Variants in APP observed in about 807,000 individuals in gnomAD.
The protein encoded by APP is amyloid beta precursor protein, also known as amyloid-beta precursor protein.
APP carries 31 observed loss-of-function variants against 101.4 expected under a neutral mutation model. That is an observed-to-expected ratio of 0.31 (90% confidence interval 0.23 to 0.41). The LOEUF (loss-of-function observed/expected upper bound fraction) is 0.41. Among genes scored for constraint, APP ranks in the 10% least tolerant of loss-of-function variants. The pLI is 1.00. For synonymous variants in APP, 366 were observed against 364.4 expected, an observed-to-expected ratio of 1.00 and a Z score of -0.05; for missense variants, 839 against 1,003.7, an observed-to-expected ratio of 0.84 and a Z score of 2.22.
At chr21:25,888,020 T>C (rs1400692809) in intron 17 of APP, among the ~76,000 whole-genome samples, 1 of 152,090 alleles carries the variant, frequency 6.6e-6, no homozygotes, top group African/African-American at 2.4e-5. Flanking sequence ...TTTTTCACTC[T>C]AAAAACAAAA....
At chr21:26,003,154 T>C (rs909894179) in intron 6 of APP, among the ~76,000 whole-genome samples, 9 of 152,398 alleles carry the variant, frequency 5.9e-5, no homozygotes, top group Middle Eastern at 3.4e-3. Context: ...TATGAAACCA[T>C]TTGTTATAGC....
intron 6 of APP, among the ~76,000 whole-genome samples, chr21:26,017,935 G>C (rs925359300): frequency 6.6e-6 from 1 of 151,970 alleles, no homozygotes; most frequent in Non-Finnish European, 1.5e-5. Context: ...TCTTGCAATC[G>C]TGTGCTCACT....
At chr21:26,145,440 G>C (rs1266967090) in intron 1 of APP, among the ~76,000 whole-genome samples, 1 of 152,138 alleles carries the variant, frequency 6.6e-6, no homozygotes, top group African/African-American at 2.4e-5. Context: ...GTTCACAATA[G>C]GTTTTGTGCT....
chr21:25,929,713 T>TC (rs1193418909), intron 13 of APP, among the ~76,000 whole-genome samples: 2 of 152,218 alleles, frequency 1.3e-5, no homozygotes, highest in Non-Finnish European at 2.9e-5. Flanking sequence ...GCCAATGCTT[T>TC]CAGTGAGGAC....
chr21:25,918,256 T>C (rs2039450945), intron 13 of APP, among the ~76,000 whole-genome samples: 1 of 152,188 alleles, frequency 6.6e-6, no homozygotes, highest in East Asian at 1.9e-4. Flanking sequence ...CTATTTACAA[T>C]AGCAAAGACT....
intron 5 of APP, among the ~76,000 whole-genome samples, chr21:26,039,777 T>A (rs2045288509): frequency 6.6e-6 from 1 of 152,164 alleles, no homozygotes; most frequent in Admixed American, 6.6e-5. Flanking sequence ...AAAATGTAGA[T>A]CTGAAGGAAG....
intron 2 of APP, among the ~76,000 whole-genome samples, chr21:26,105,695 A>T (rs2062168133): frequency 6.6e-6 from 1 of 152,214 alleles, no homozygotes; most frequent in African/African-American, 2.4e-5. Flanking sequence ...TAGAGAATTC[A>T]AGATGCACAA....
chr21:26,120,270 T>C (rs2062536772), intron 1 of APP, among the ~76,000 whole-genome samples: 1 of 152,198 alleles, frequency 6.6e-6, no homozygotes, highest in Admixed American at 6.5e-5. Context: ...AGAAACTTTC[T>C]CAAGTTGCCT....
chr21:26,106,349 G>C (rs1039733836), intron 2 of APP, among the ~76,000 whole-genome samples: 2 of 152,078 alleles, frequency 1.3e-5, no homozygotes, highest in Non-Finnish European at 2.9e-5. Flanking sequence ...CCCATCAGTG[G>C]GAGAAAATAT....
At chr21:26,139,848 C>T (rs368451684) in intron 1 of APP, among the ~76,000 whole-genome samples, 3 of 151,966 alleles carry the variant, frequency 2.0e-5, no homozygotes, top group African/African-American at 7.3e-5. Flanking sequence ...CCACTGCACT[C>T]CAGCCTGGCA....
intron 15 of APP, among the ~76,000 whole-genome samples, chr21:25,904,672 T>C (rs939990515): frequency 6.6e-6 from 1 of 152,098 alleles, no homozygotes. Context: ...AGAGTCTACA[T>C]CTATCTGGGC....
chr21:26,104,632 A>T (rs960057343), intron 2 of APP, among the ~76,000 whole-genome samples: 1 of 152,208 alleles, frequency 6.6e-6, no homozygotes, highest in Non-Finnish European at 1.5e-5. Context: ...GGCAAAAAAA[A>T]CACTATGAAT....
chr21:25,915,369 G>A (rs750211868), intron 13 of APP, among the ~76,000 whole-genome samples: 1 of 152,190 alleles, frequency 6.6e-6, no homozygotes, highest in Non-Finnish European at 1.5e-5. Flanking sequence ...GATGGGACAA[G>A]GAGACTGAGG....
At chr21:25,908,474 G>C (rs2038900261) in intron 14 of APP, among the ~76,000 whole-genome samples, 1 of 152,164 alleles carries the variant, frequency 6.6e-6, no homozygotes, top group Admixed American at 6.5e-5. Flanking sequence ...TTCAGTAGTT[G>C]GGTGTATGTG....
chr21:26,001,094 T>C (rs2043274760), intron 6 of APP, among the ~76,000 whole-genome samples: 1 of 152,204 alleles, frequency 6.6e-6, no homozygotes, highest in Non-Finnish European at 1.5e-5. Flanking sequence ...TACCTGACCC[T>C]TGGGCAGGAA....
intron 13 of APP, chr21:25,942,032 A>G (rs1301288328): frequency 6.6e-6 from 1 of 152,204 alleles, no homozygotes; most frequent in Non-Finnish European, 1.5e-5. Context: ...ATGACTTCTA[A>G]GCAGAAGATA....
intron 1 of APP, among the ~76,000 whole-genome samples, chr21:26,166,453 A>T (rs1408137376): frequency 6.6e-6 from 1 of 152,138 alleles, no homozygotes; most frequent in Non-Finnish European, 1.5e-5. Flanking sequence ...GAAAAGGAAA[A>T]GATTTTTTTA....
intron 11 of APP, among the ~76,000 whole-genome samples, chr21:25,959,194 G>A (rs2041468275): frequency 6.6e-6 from 1 of 152,234 alleles, no homozygotes; most frequent in South Asian, 2.1e-4. Context: ...CAGCACTTTG[G>A]GAGGCCGAGG....
At chr21:26,005,937 T>C (rs2043512241) in intron 6 of APP, among the ~76,000 whole-genome samples, 1 of 152,168 alleles carries the variant, frequency 6.6e-6, no homozygotes. Flanking sequence ...ATACTATATG[T>C]AATTATTATG....
Sources: gnomAD v4.1 joint callset for allele counts (sites outside exome capture counted in the v4.1 genomes callset) on GRCh38, gnomAD v4.1.1 for gene constraint, MANE v1.5 for transcripts, NCBI Gene and HGNC (gene_info 2026-07-23, HGNC 2026-07-21) for gene names.